Variants in AHI1 observed in about 807,000 individuals in gnomAD.
AHI1 encodes the protein Abelson helper integration site 1, also known as jouberin.
In AHI1, 123 loss-of-function variants were observed where a neutral mutation model predicts 149.3. That is an observed-to-expected ratio of 0.82 (90% CI 0.71 to 0.96). The LOEUF (loss-of-function observed/expected upper bound fraction) is 0.96, where lower values mean the gene tolerates loss of function less well. Ranked by LOEUF, AHI1 falls within the 40% of genes least tolerant of loss-of-function variation. The pLI is 0.00. For synonymous variants in AHI1, 475 were observed against 459.8 expected (o/e 1.03, Z -0.42); for missense variants, 1,439 against 1,422.7 (o/e 1.01, Z -0.18).
rs1795140676 is a variant in AHI1, at chr6:135,490,755, A to G, written c.11-8T>C. The G allele has an allele frequency of 6.2e-7, 1 of 1,611,870 alleles. No individual in the cohort carries two copies. The highest frequency in any genetic ancestry group is 8.5e-7 in the Non-Finnish European group (1 of 1,179,026). On this transcript the variant is annotated splice_polypyrimidine_tract_variant and splice_region_variant and intron_variant, in intron 4 of 28. Transcript: ENST00000265602. ...CTTTTGCTTCACTCTCAGCTACAAA[A>G]GATACAGCCATGTGATTTTGTAAAT...
chr6:135,452,367 A>G (rs1254927093), intron 11 of AHI1, among the ~76,000 whole-genome samples: 1 of 152,236 alleles, frequency 6.6e-6, no homozygotes, highest in Non-Finnish European at 1.5e-5. Flanking sequence ...TTAAACATCA[A>G]TCTACGCCTT....
intron 21 of AHI1, 22 bp downstream of exon 21, chr6:135,411,326 C>CTTTAA (rs200860406): frequency 0.012 from 18,934 of 1,601,456 alleles, 130 homozygotes; most frequent in Middle Eastern, 0.022. Flanking sequence ...TTTAAAGTTT[C>CTTTAA]AACTGCATAA....
intron 20 of AHI1, among the ~76,000 whole-genome samples, chr6:135,420,679 A>C (rs2127993654): frequency 6.6e-6 from 1 of 152,276 alleles, no homozygotes; most frequent in Admixed American, 6.5e-5. Context: ...AGAGAGTTAG[A>C]GGCCTTGCTC....
intron 24 of AHI1, among the ~76,000 whole-genome samples, chr6:135,334,729 T>C (rs1789114770): frequency 6.6e-6 from 1 of 152,236 alleles, no homozygotes; most frequent in Non-Finnish European, 1.5e-5. Flanking sequence ...AAAATCATAG[T>C]GTATTTTCAT....
At chr6:135,482,886 A>T (rs1793891884) in intron 5 of AHI1, among the ~76,000 whole-genome samples, 1 of 14,732 alleles carries the variant, frequency 6.8e-5, no homozygotes, top group Non-Finnish European at 1.4e-4. Flanking sequence ...AGTATAATCC[A>T]TTTAAGGCTT....
intron 11 of AHI1, among the ~76,000 whole-genome samples, chr6:135,451,567 G>A (rs1213756888): frequency 6.6e-6 from 1 of 152,128 alleles, no homozygotes; most frequent in Non-Finnish European, 1.5e-5. Context: ...GTAAGTGTTA[G>A]AAGACGTGAA....
At chr6:135,394,351 T>C (rs1778923519) in intron 23 of AHI1, among the ~76,000 whole-genome samples, 1 of 152,092 alleles carries the variant, frequency 6.6e-6, no homozygotes, top group Admixed American at 6.6e-5. Context: ...ATTTTGTTAA[T>C]TTGCCCTTTA....
chr6:135,316,074 A>T (rs1477023092), intron 26 of AHI1, among the ~76,000 whole-genome samples: 1 of 152,016 alleles, frequency 6.6e-6, no homozygotes, highest in Non-Finnish European at 1.5e-5. Context: ...ACATCTCCAA[A>T]CATTGCTAAA....
At chr6:135,342,342 A>G (rs1283343484) in intron 24 of AHI1, among the ~76,000 whole-genome samples, 1 of 151,970 alleles carries the variant, frequency 6.6e-6, no homozygotes, top group East Asian at 1.9e-4. Context: ...CAAATGTTTA[A>G]ACAAATACCA....
intron 26 of AHI1, among the ~76,000 whole-genome samples, chr6:135,315,797 G>A (rs536941126): frequency 5.3e-5 from 8 of 152,190 alleles, no homozygotes; most frequent in Non-Finnish European, 7.4e-5. Flanking sequence ...TTTGCCACTC[G>A]CATTAGAAAT....
intron 23 of AHI1, among the ~76,000 whole-genome samples, chr6:135,368,634 T>C (rs551040435): frequency 1.3e-5 from 2 of 152,196 alleles, no homozygotes; most frequent in East Asian, 3.9e-4. Flanking sequence ...CCAGGAGGAT[T>C]ATGGCTGCCA....
chr6:135,410,988 G>A (rs1386085472), intron 21 of AHI1, among the ~76,000 whole-genome samples: 3 of 152,126 alleles, frequency 2.0e-5, no homozygotes, highest in Admixed American at 6.5e-5. Context: ...GATTACAGGT[G>A]TACGCCACCA....
intron 20 of AHI1, among the ~76,000 whole-genome samples, chr6:135,414,560 A>G (rs541060119): frequency 1.3e-5 from 2 of 152,338 alleles, no homozygotes; most frequent in South Asian, 4.1e-4. Flanking sequence ...TATACACAAA[A>G]CACAAAGAAA....
intron 23 of AHI1, among the ~76,000 whole-genome samples, chr6:135,388,967 G>A (rs1442188475): frequency 9.2e-5 from 14 of 151,578 alleles, no homozygotes; most frequent in Admixed American, 9.2e-4. Context: ...AGCTGAGACC[G>A]CGCCACTGCA....
At chr6:135,392,397 A>C (rs1778634859) in intron 23 of AHI1, among the ~76,000 whole-genome samples, 1 of 152,160 alleles carries the variant, frequency 6.6e-6, no homozygotes, top group Admixed American at 6.5e-5. Context: ...ACATAAACCC[A>C]CTGCAGAGTC....
intron 23 of AHI1, among the ~76,000 whole-genome samples, chr6:135,359,015 G>A (rs1793432814): frequency 6.6e-6 from 1 of 152,162 alleles, no homozygotes; most frequent in Non-Finnish European, 1.5e-5. Flanking sequence ...AGGACAAGAG[G>A]CAAGAACTAC....
chr6:135,433,287 T>G (rs768030584), intron 15 of AHI1, 31 bp from the exon 16 acceptor site: 2 of 1,484,140 alleles, frequency 1.3e-6, no homozygotes, highest in Admixed American at 3.6e-5. Flanking sequence ...ACATATTGCT[T>G]CTGAAAAGCA....
chr6:135,456,158 T>C (rs187399430), intron 9 of AHI1, among the ~76,000 whole-genome samples: 4 of 152,356 alleles, frequency 2.6e-5, no homozygotes, highest in Admixed American at 2.0e-4. Context: ...TATTTTATTA[T>C]AGAAATATAA....
At chr6:135,487,330 C>T (rs1332717829) in intron 5 of AHI1, among the ~76,000 whole-genome samples, 2 of 152,046 alleles carry the variant, frequency 1.3e-5, no homozygotes, top group African/African-American at 4.8e-5. Flanking sequence ...GTAATGGTTA[C>T]GTGACTTTTT....
Sources: gnomAD v4.1 joint callset for allele counts (sites outside exome capture counted in the v4.1 genomes callset) on GRCh38, gnomAD v4.1.1 for gene constraint, MANE v1.5 for transcripts, NCBI Gene and HGNC (gene_info 2026-07-23, HGNC 2026-07-21) for gene names.